Variants in NXPE2 observed in about 807,000 individuals in gnomAD.
The protein encoded by NXPE2 is NXPE family member 2.
NXPE2 carries 34 observed loss-of-function variants against 34.4 expected under a neutral mutation model. The observed-to-expected ratio is 0.99, with a 90% confidence interval of 0.75 to 1.31. NXPE2 has a LOEUF of 1.31. Among genes scored for constraint, NXPE2 ranks in the 40% most tolerant of loss-of-function variants. The pLI is 0.00. For synonymous variants in NXPE2, 235 were observed against 231.3 expected (o/e 1.02, Z -0.15); for missense variants, 649 against 672.5 (o/e 0.97, Z 0.39).
chr11:114,520,349 T>C, the NXPE2 span, among the ~76,000 whole-genome samples: 1 of 152,212 alleles, frequency 6.6e-6, no homozygotes, highest in Non-Finnish European at 1.5e-5. Flanking sequence ...GATCAAGCAA[T>C]ATTTTTCTTT....
the NXPE2 span, among the ~76,000 whole-genome samples, chr11:114,618,309 G>A: frequency 6.6e-6 from 1 of 151,880 alleles, no homozygotes; most frequent in African/African-American, 2.4e-5. Context: ...GTTATCTGTT[G>A]GATAATAGGT....
chr11:114,759,131 C>T, the NXPE2 span, among the ~76,000 whole-genome samples: 1 of 152,164 alleles, frequency 6.6e-6, no homozygotes, highest in South Asian at 2.1e-4. Context: ...CTTTCTCTCT[C>T]TCTCTCCTTT....
the NXPE2 span, among the ~76,000 whole-genome samples, chr11:114,565,748 T>C: frequency 6.6e-6 from 1 of 152,142 alleles, no homozygotes; most frequent in South Asian, 2.1e-4. Context: ...TCCAGGGATG[T>C]AAAATGATCT....
chr11:114,788,562 C>T, the NXPE2 span, among the ~76,000 whole-genome samples: 17 of 152,212 alleles, frequency 1.1e-4, no homozygotes, highest in Non-Finnish European at 1.6e-4. Flanking sequence ...GATGAGGATA[C>T]TTGCATTCCC....
chr11:114,665,620 A>G, the NXPE2 span, among the ~76,000 whole-genome samples: 1 of 152,198 alleles, frequency 6.6e-6, no homozygotes. Context: ...AAGAACTAGA[A>G]CAGATTGCTA....
chr11:114,594,706 T>C, the NXPE2 span: 1 of 1,604,966 alleles, frequency 6.2e-7, no homozygotes, highest in Admixed American at 1.7e-5. Flanking sequence ...TCCAGGAGGC[T>C]AATATAAACA....
At chr11:114,692,020 T>A (rs1271681253) in intron 2 of NXPE2, among the ~76,000 whole-genome samples, 1 of 152,108 alleles carries the variant, frequency 6.6e-6, no homozygotes, top group Non-Finnish European at 1.5e-5. Context: ...TCCAGGCCTG[T>A]GACAGGAAAA....
chr11:114,677,823 G>C (rs573542251), upstream of NXPE2, among the ~76,000 whole-genome samples: 1 of 152,028 alleles, frequency 6.6e-6, no homozygotes, highest in Admixed American at 6.6e-5. Context: ...CTCATGCAGA[G>C]CAATGCATAC....
rs573931243 is a variant in NXPE2, at chr11:114,684,182, C to T, written c.132+4420C>T. Among the ~76,000 whole-genome samples the T allele has an allele frequency of 4.5e-4, 68 of 152,124 alleles. No individual in the cohort carries two copies. The South Asian group carries it at 0.014, about 31-fold the overall frequency. ...GTGGCTTATGCCTATAATCCAAGCACTTTGGGAGGCCGAGGCGGGCAGATC... is the reference window on the plus strand; with the variant it reads ...GTGGCTTATGCCTATAATCCAAGCATTTTGGGAGGCCGAGGCGGGCAGATC... On this transcript the variant is annotated intron_variant, in intron 2 of 5. Transcript: ENST00000389586.
At chr11:114,618,883 C>T in the NXPE2 span, among the ~76,000 whole-genome samples, 1 of 151,940 alleles carries the variant, frequency 6.6e-6, no homozygotes, top group Non-Finnish European at 1.5e-5. Flanking sequence ...CATGGGTCAC[C>T]ACTGTTACCC....
the NXPE2 span, among the ~76,000 whole-genome samples, chr11:114,800,599 TTA>T: frequency 3.9e-5 from 6 of 152,322 alleles, no homozygotes; most frequent in African/African-American, 1.4e-4. Context: ...TGTTAAATAT[TTA>T]TCTTTCATAT....
At chr11:114,496,842 A>G in the NXPE2 span, among the ~76,000 whole-genome samples, 1 of 152,216 alleles carries the variant, frequency 6.6e-6, no homozygotes, top group Non-Finnish European at 1.5e-5. Context: ...TAGCTGTCGT[A>G]ACATTGTAGT....
chr11:114,474,424 G>C, the NXPE2 span, among the ~76,000 whole-genome samples: 5 of 152,206 alleles, frequency 3.3e-5, no homozygotes, highest in African/African-American at 1.2e-4. Flanking sequence ...ACCTGATCCT[G>C]TAGGATTAGC....
intron 5 of NXPE2, 106 bp from the exon 6 acceptor site, chr11:114,706,289 G>A (rs1399451630): frequency 2.1e-6 from 2 of 938,628 alleles, no homozygotes; most frequent in East Asian, 2.6e-5. Context: ...AGGCAATAGT[G>A]CTTAGTTAGA....
At chr11:114,679,577 C>A in intron 1 of NXPE2, 80 bp from the exon 2 acceptor site, 1 of 780,514 alleles carries the variant, frequency 1.3e-6, no homozygotes, top group Non-Finnish European at 2.0e-6. Flanking sequence ...CTGGAAATTA[C>A]TGAAGAGGAA....
the NXPE2 span, among the ~76,000 whole-genome samples, chr11:114,744,588 T>C: frequency 6.6e-6 from 1 of 151,992 alleles, no homozygotes; most frequent in Non-Finnish European, 1.5e-5. Context: ...GCGGGTTGAG[T>C]TACTTGAGTT....
the NXPE2 span, among the ~76,000 whole-genome samples, chr11:114,605,902 C>T: frequency 6.0e-5 from 9 of 150,636 alleles, no homozygotes; most frequent in Non-Finnish European, 7.4e-5. Flanking sequence ...CAATGTTACC[C>T]GGTTTATAAT....
chr11:114,669,705 G>C, the NXPE2 span, among the ~76,000 whole-genome samples: 1 of 152,100 alleles, frequency 6.6e-6, no homozygotes, highest in South Asian at 2.1e-4. Flanking sequence ...AGAGAGGCAG[G>C]TCATAGCAAC....
intron 2 of NXPE2, among the ~76,000 whole-genome samples, chr11:114,683,697 T>A (rs1180155845): frequency 1.3e-5 from 2 of 152,132 alleles, no homozygotes; most frequent in African/African-American, 2.4e-5. Context: ...AAGATTTTTA[T>A]AAGTGTTTAT....
Sources: gnomAD v4.1 joint callset for allele counts (sites outside exome capture counted in the v4.1 genomes callset) on GRCh38, gnomAD v4.1.1 for gene constraint, MANE v1.5 for transcripts, NCBI Gene and HGNC (gene_info 2026-07-23, HGNC 2026-07-21) for gene names.